LRRTM3: variants seen among roughly 807,000 people sequenced by gnomAD.
The protein encoded by LRRTM3 is leucine-rich repeat transmembrane neuronal protein 3.
LRRTM3 carries 24 observed loss-of-function variants against 44.7 expected under a neutral mutation model. The ratio of observed to expected loss-of-function variants is 0.54; its 90% CI spans 0.39 to 0.76. The LOEUF (loss-of-function observed/expected upper bound fraction) is 0.76. Among genes scored for constraint, LRRTM3 ranks in the 30% least tolerant of loss-of-function variants. The pLI is 0.00. For synonymous variants in LRRTM3, 277 were observed against 278.7 expected (o/e 0.99, Z 0.06); for missense variants, 587 against 702.2 (o/e 0.84, Z 1.85).
intron 2 of LRRTM3, among the ~76,000 whole-genome samples, chr10:67,059,617 CA>C (rs1252430734): frequency 6.6e-6 from 1 of 152,014 alleles, no homozygotes; most frequent in Admixed American, 6.6e-5. Flanking sequence ...TTAAAGTTGT[CA>C]TAGTCAGTTT....
chr10:67,002,690 T>C lies in LRRTM3; in HGVS notation c.1536+74238T>C, dbSNP rs111411558. 3.1e-3 allele frequency among the ~76,000 whole-genome samples: 478 copies of C among 152,188 alleles called. 2 individuals are homozygous for C. The highest frequency in any genetic ancestry group is 0.011 in the African/African-American group (454 of 41,540). ...TGCCTACTTGTTTATAAAACTTGTT[T>C]CCAAAAATCAGGCTAATATAGTACT... On this transcript the variant is annotated intron_variant, in intron 2 of 2. Coordinates refer to ENST00000361320, the MANE Select transcript of LRRTM3 (RefSeq NM_178011.5).
intron 2 of LRRTM3, among the ~76,000 whole-genome samples, chr10:67,043,131 CTTTCTTTTTTT>C (rs1854509701): frequency 1.7e-5 from 1 of 60,236 alleles, no homozygotes; most frequent in South Asian, 6.6e-4. Flanking sequence ...GGCTCACTTT[CTTTCTTTTTTT>C]TTTTTTTTTT....
chr10:66,966,001 T>A (rs879372988), intron 2 of LRRTM3, among the ~76,000 whole-genome samples: 4 of 152,186 alleles, frequency 2.6e-5, no homozygotes, highest in Non-Finnish European at 4.4e-5. Context: ...AAAGGCAGTG[T>A]ATAGAACTGT....
rs77654851 is a variant in LRRTM3 at position 66,970,741 on chromosome 10, C to A, written c.1536+42289C>A. Among the ~76,000 whole-genome samples, 3,852 of 152,076 alleles carry A rather than the reference C, an allele frequency of 0.025. 401 individuals carry two copies. The East Asian group carries it at 0.36, about 14-fold the overall frequency. ...CCAAAAATCTTTCCTTATCTCCAGG[C>A]AGAACTATTTCAAAAGATAACAAAT... is the stretch of plus-strand genomic sequence containing the variant. On this transcript the variant is annotated intron_variant, in intron 2 of 2. Coordinates refer to ENST00000361320, the MANE Select transcript of LRRTM3 (RefSeq NM_178011.5).
intron 2 of LRRTM3, among the ~76,000 whole-genome samples, chr10:67,051,471 T>C (rs887168358): frequency 1.3e-5 from 2 of 151,716 alleles, no homozygotes; most frequent in African/African-American, 4.8e-5. Flanking sequence ...TTCTTTTTTT[T>C]TTTTTGGTGA....
intron 2 of LRRTM3, among the ~76,000 whole-genome samples, chr10:66,980,358 C>G (rs1850347481): frequency 6.6e-6 from 1 of 152,162 alleles, no homozygotes; most frequent in Non-Finnish European, 1.5e-5. Flanking sequence ...TGTCTGCTTG[C>G]TCTGTTAGCA....
In LRRTM3 at chr10:66,975,858, A is replaced by C. The variant is rs192568926; in HGVS notation, c.1536+47406A>C. On this transcript the variant is annotated intron_variant, in intron 2 of 2. Coordinates refer to ENST00000361320, the MANE Select transcript of LRRTM3 (RefSeq NM_178011.5). Reference sequence around the variant, plus strand: ...ATTAAGACTTGTCATTTTCTATCTGACCAAAAATCTTGGTCTTCTTCAATC... The same window carrying C: ...ATTAAGACTTGTCATTTTCTATCTGCCCAAAAATCTTGGTCTTCTTCAATC... Among the ~76,000 whole-genome samples the C allele has an allele frequency of 4.0e-3, 605 of 152,288 alleles. 4 individuals carry two copies. Among genetic ancestry groups the C allele is most frequent in the African/African-American group, 0.014 (570 of 41,548 alleles).
chr10:67,068,306 G>C (rs992095859), intron 2 of LRRTM3, among the ~76,000 whole-genome samples: 4 of 152,150 alleles, frequency 2.6e-5, no homozygotes, highest in Admixed American at 1.3e-4. Context: ...CATATAGATG[G>C]TGACACTATT....
chr10:67,071,504 T>C (rs1345497709), intron 2 of LRRTM3, among the ~76,000 whole-genome samples: 5 of 105,040 alleles, frequency 4.8e-5, no homozygotes, highest in South Asian at 2.7e-4. Context: ...CTCTTTAAAG[T>C]TTTTTTTGTT....
chr10:67,021,592 G>A (rs1277620929), intron 2 of LRRTM3, among the ~76,000 whole-genome samples: 1 of 151,950 alleles, frequency 6.6e-6, no homozygotes, highest in Non-Finnish European at 1.5e-5. Context: ...AAGTTATGTA[G>A]TGATATGAGA....
intron 2 of LRRTM3, among the ~76,000 whole-genome samples, chr10:66,985,037 T>A (rs898076062): frequency 6.6e-6 from 1 of 152,176 alleles, no homozygotes; most frequent in Non-Finnish European, 1.5e-5. Flanking sequence ...ACAGAGCTCA[T>A]CCCTGCCTTT....
intron 2 of LRRTM3, among the ~76,000 whole-genome samples, chr10:67,074,654 T>C (rs1856656478): frequency 6.6e-6 from 1 of 152,152 alleles, no homozygotes; most frequent in Non-Finnish European, 1.5e-5. Flanking sequence ...CCAACCCACT[T>C]TAACTCTTTT....
intron 2 of LRRTM3, among the ~76,000 whole-genome samples, chr10:67,070,349 G>C (rs540642998): frequency 1.3e-5 from 2 of 152,088 alleles, no homozygotes; most frequent in Admixed American, 6.6e-5. Flanking sequence ...CTCTGTGACT[G>C]TCTTTTCATT....
At chr10:67,091,746 T>C (rs79964496) in intron 2 of LRRTM3, among the ~76,000 whole-genome samples, 1 of 152,016 alleles carries the variant, frequency 6.6e-6, no homozygotes. Flanking sequence ...TGGCAAATCA[T>C]GGGACATTTG....
intron 2 of LRRTM3, among the ~76,000 whole-genome samples, chr10:67,024,891 G>A (rs921127291): frequency 6.6e-6 from 1 of 151,810 alleles, no homozygotes; most frequent in Non-Finnish European, 1.5e-5. Context: ...AGCACTTTAG[G>A]GGGCCAAGGC....
intron 2 of LRRTM3, among the ~76,000 whole-genome samples, chr10:66,979,040 C>T (rs376342786): frequency 1.4e-5 from 2 of 138,078 alleles, no homozygotes; most frequent in African/African-American, 5.4e-5. Flanking sequence ...TCTTGGCTTG[C>T]TGCAACCTCT....
chr10:66,983,046 C>T (rs1220371372), intron 2 of LRRTM3, among the ~76,000 whole-genome samples: 4 of 152,128 alleles, frequency 2.6e-5, no homozygotes, highest in African/African-American at 9.7e-5. Flanking sequence ...CAGCGACTGC[C>T]GAACTTCCTG....
intron 2 of LRRTM3, among the ~76,000 whole-genome samples, chr10:66,977,243 A>G (rs1429890760): frequency 6.6e-6 from 1 of 151,854 alleles, no homozygotes; most frequent in Non-Finnish European, 1.5e-5. Context: ...TTGAGACCAT[A>G]CTGGCCAACA....
At chr10:67,035,741 G>T (rs570570069) in intron 2 of LRRTM3, among the ~76,000 whole-genome samples, 2 of 152,166 alleles carry the variant, frequency 1.3e-5, no homozygotes, top group Admixed American at 1.3e-4. Flanking sequence ...TCACAGAAAT[G>T]CTTTCACTGT....
Sources: gnomAD v4.1 joint callset for allele counts (sites outside exome capture counted in the v4.1 genomes callset) on GRCh38, gnomAD v4.1.1 for gene constraint, MANE v1.5 for transcripts, NCBI Gene and HGNC (gene_info 2026-07-23, HGNC 2026-07-21) for gene names.